SERPINE3: variants seen among roughly 807,000 people sequenced by gnomAD.
SERPINE3 encodes the protein serpin family E member 3.
SERPINE3 carries 43 observed loss-of-function variants against 41.7 expected under a neutral mutation model. That is an observed-to-expected ratio of 1.03 (90% CI 0.81 to 1.33). The LOEUF (loss-of-function observed/expected upper bound fraction) is 1.33, where lower values mean the gene tolerates loss of function less well. Among genes scored for constraint, SERPINE3 ranks in the 40% most tolerant of loss-of-function variants. The pLI is 0.00. For missense variants in SERPINE3, 440 were observed against 491.7 expected (o/e 0.89, Z 0.99); for synonymous variants, 200 against 192.2 (o/e 1.04, Z -0.34).
chr13:51,361,199 C>T (rs189213144), intron 7 of SERPINE3, 79 bp from the exon 8 acceptor site: 4 of 930,396 alleles, frequency 4.3e-6, no homozygotes, highest in African/African-American at 1.6e-5. Flanking sequence ...TTTGTAAGTA[C>T]ATTTTTAAAG....
intron 6 of SERPINE3, among the ~76,000 whole-genome samples, chr13:51,349,628 T>C (rs1310682200): frequency 1.3e-5 from 2 of 152,180 alleles, no homozygotes; most frequent in East Asian, 3.9e-4. Context: ...CCTCGAGCAG[T>C]TCTTCCCTGG....
At chr13:51,359,369 G>T (rs879491991) in intron 7 of SERPINE3, among the ~76,000 whole-genome samples, 1 of 152,114 alleles carries the variant, frequency 6.6e-6, no homozygotes, top group Admixed American at 6.6e-5. Flanking sequence ...CTTTTGAAAT[G>T]TCAACTCTTA....
At chr13:51,359,002 T>G (rs1955521597) in intron 7 of SERPINE3, among the ~76,000 whole-genome samples, 1 of 152,098 alleles carries the variant, frequency 6.6e-6, no homozygotes, top group South Asian at 2.1e-4. Context: ...GATTAGCAGC[T>G]CTAAGAAGTC....
intron 9 of SERPINE3, 168 bp downstream of exon 9, chr13:51,362,061 T>A: frequency 6.3e-7 from 1 of 1,574,878 alleles, no homozygotes; most frequent in African/African-American, 1.4e-5. Flanking sequence ...AGGGGACTAT[T>A]TCGTAAGTAC....
intron 3 of SERPINE3, among the ~76,000 whole-genome samples, chr13:51,342,597 C>A (rs1393169512): frequency 6.6e-6 from 1 of 152,098 alleles, no homozygotes; most frequent in Non-Finnish European, 1.5e-5. Flanking sequence ...AGATTTCACA[C>A]AAAAATTCAC....
chr13:51,344,565 C>A, intron 4 of SERPINE3, 80 bp downstream of exon 4: 2 of 1,168,724 alleles, frequency 1.7e-6, no homozygotes, highest in Non-Finnish European at 2.5e-6. Flanking sequence ...TTGTCAGAGG[C>A]CATGGTGCTC....
At chr13:51,354,791 T>C (rs1955454430) in intron 6 of SERPINE3, among the ~76,000 whole-genome samples, 1 of 151,990 alleles carries the variant, frequency 6.6e-6, no homozygotes, top group Non-Finnish European at 1.5e-5. Flanking sequence ...GAAAAATGGA[T>C]AATAACTAAA....
intron 6 of SERPINE3, chr13:51,354,327 A>G (rs1314813169): frequency 4.6e-5 from 7 of 152,198 alleles, no homozygotes; most frequent in Admixed American, 2.0e-4. Flanking sequence ...TTAAGTCTTG[A>G]TTTTCCCATC....
In SERPINE3 at chr13:51,346,503, AAC is replaced by A. The variant is rs201256821; in HGVS notation, c.491-518_491-517del. Among the ~76,000 whole-genome samples the A allele has an allele frequency of 8.5e-3, 1,293 of 152,348 alleles. 16 individuals are homozygous for A. Among genetic ancestry groups the A allele is most frequent in the African/African-American group, 0.029 (1,190 of 41,568 alleles). ...GGGTCTTCAGCAACAGCTGGTTATA[AAC>A]ACATATCAATTTGCAATGAACATAT... is the stretch of plus-strand genomic sequence containing the variant. On this transcript the variant is annotated intron_variant, in intron 4 of 9. Transcript: ENST00000681248.
chr13:51,340,479 T>G (rs1452197719), intron 1 of SERPINE3, among the ~76,000 whole-genome samples: 1 of 152,184 alleles, frequency 6.6e-6, no homozygotes, highest in Non-Finnish European at 1.5e-5. Flanking sequence ...AAATTTTATA[T>G]ACCACTCATA....
intron 6 of SERPINE3, 35 bp downstream of exon 6, chr13:51,348,446 A>G: frequency 6.3e-7 from 1 of 1,584,636 alleles, no homozygotes; most frequent in Non-Finnish European, 8.6e-7. Flanking sequence ...GGTGCTGTGC[A>G]GCCAGCAGTC....
At chr13:51,353,506 T>C (rs1420540363) in intron 6 of SERPINE3, among the ~76,000 whole-genome samples, 4 of 152,192 alleles carry the variant, frequency 2.6e-5, no homozygotes, top group Non-Finnish European at 4.4e-5. Flanking sequence ...TGCAGGTAGT[T>C]ACTTGATCCA....
intron 7 of SERPINE3, among the ~76,000 whole-genome samples, chr13:51,359,831 T>G (rs1411215336): frequency 6.6e-6 from 1 of 152,106 alleles, no homozygotes; most frequent in African/African-American, 2.4e-5. Context: ...GTTTGCTTAA[T>G]TAGCTAGTAA....
chr13:51,362,089 C>T, intron 9 of SERPINE3, 196 bp downstream of exon 9: 2 of 1,519,232 alleles, frequency 1.3e-6, no homozygotes, highest in Non-Finnish European at 8.7e-7. Flanking sequence ...ACTTATCCTC[C>T]ATGTTTTTTA....
chr13:51,341,305 A>G lies in SERPINE3; in HGVS notation c.214A>G (p.Thr72Ala). 1 of 1,612,374 alleles carries G rather than the reference A, an allele frequency of 6.2e-7. No homozygotes were observed. Among genetic ancestry groups the G allele is most frequent in the Non-Finnish European group, 8.5e-7 (1 of 1,179,042 alleles). The stretch of plus-strand genomic sequence containing the variant: ...CCTGCAGTTTGGAGCAGAAGGGAGC[A>G]CTGGTCAGCAGCTGGCAGATGCCCT... ...EILQFGAEGS[T>A]GQQLADALGY... Residue 72 changes from threonine to alanine, a missense_variant, in exon 3 of 10, where the codon ACT becomes GCT. Thr to Ala is a moderately conservative substitution (Grantham distance 58). Coordinates refer to ENST00000681248, the MANE Select transcript of SERPINE3 (RefSeq NM_001386375.1).
intron 6 of SERPINE3, chr13:51,348,743 C>T (rs945043482): frequency 2.6e-4 from 71 of 278,320 alleles, no homozygotes; most frequent in Non-Finnish European, 4.3e-4. Flanking sequence ...AAAGGAAATG[C>T]TCGTGGTTCC....
intron 1 of SERPINE3, among the ~76,000 whole-genome samples, chr13:51,340,427 T>C (rs1955278210): frequency 6.6e-6 from 1 of 152,190 alleles, no homozygotes; most frequent in African/African-American, 2.4e-5. Context: ...CGAGGTACAA[T>C]TAGTTCATGT....
chr13:51,345,924 C>T (rs1158383910), intron 4 of SERPINE3, among the ~76,000 whole-genome samples: 4 of 152,158 alleles, frequency 2.6e-5, no homozygotes, highest in Non-Finnish European at 4.4e-5. Context: ...GGGTTCAAAT[C>T]CAAGCTTTCC....
chr13:51,358,435 C>T (rs1194153573), intron 7 of SERPINE3, among the ~76,000 whole-genome samples: 4 of 152,136 alleles, frequency 2.6e-5, no homozygotes, highest in South Asian at 2.1e-4. Context: ...CAAAGAATAA[C>T]GGTGTCCACC....
Sources: gnomAD v4.1 joint callset for allele counts (sites outside exome capture counted in the v4.1 genomes callset) on GRCh38, gnomAD v4.1.1 for gene constraint, MANE v1.5 for transcripts, NCBI Gene and HGNC (gene_info 2026-07-23, HGNC 2026-07-21) for gene names.